ZNF462: variants seen among roughly 807,000 people sequenced by gnomAD.
ZNF462 encodes the protein zinc finger protein 462, also known as zinc finger PBX1-interacting protein.
A neutral mutation model predicts 201.9 loss-of-function variants in ZNF462; 10 were observed. The ratio of observed to expected loss-of-function variants is 0.05; its 90% CI spans 0.03 to 0.08. The LOEUF is 0.08. ZNF462 is among the 10% of genes least tolerant of loss of function. The pLI is 1.00. For synonymous variants in ZNF462, 1,227 were observed against 1,193.3 expected (o/e 1.03, Z -0.58); for missense variants, 2,523 against 3,168.3 (o/e 0.80, Z 4.89).
In ZNF462 at chr9:106,972,264, A is replaced by G; in HGVS notation, c.6687A>G (p.Thr2229=). The change falls in exon 8 of 13, where the codon ACA becomes ACG. Residue 2229 remains threonine (T), a synonymous_variant. Coordinates refer to ENST00000277225, the MANE Select transcript of ZNF462 (RefSeq NM_021224.6). The surrounding 1 kb of genome is among the most constrained non-coding windows in gnomAD (Gnocchi z 4.8). Reference sequence around the variant, plus strand: ...AGTGCAAAGACTGCTCCTTTTACACAGGCTTTAAGTAAGTGACGTAATGAA... The same window carrying G: ...AGTGCAAAGACTGCTCCTTTTACACGGGCTTTAAGTAAGTGACGTAATGAA... The part of the protein sequence containing the change: ...LFKCKDCSFY[T]GFKSAFTMHV... The G allele has an allele frequency of 1.2e-6, 2 of 1,613,792 alleles. No individual in the cohort carries two copies. The highest frequency in any genetic ancestry group is 1.7e-6 in the Non-Finnish European group (2 of 1,179,786).
At chr9:106,861,731 C>T (rs1482758744), upstream of ZNF462, among the ~76,000 whole-genome samples, 1 of 152,154 alleles carries the variant, frequency 6.6e-6, no homozygotes, top group African/African-American at 2.4e-5. Context: ...CCGTAGGAGA[C>T]TTTCGACCTG....
In ZNF462 at chr9:107,003,705, GTATCTAGGGAATCTT is replaced by G. The variant is rs1438654628; in HGVS notation, c.7189+280_7189+294del. Among the ~76,000 whole-genome samples, 2 of 152,116 alleles carry G rather than the reference GTATCTAGGGAATCTT, an allele frequency of 1.3e-5. No homozygotes were observed. The highest frequency in any genetic ancestry group is 2.9e-5 in the Non-Finnish European group (2 of 68,030). On this transcript the variant is annotated intron_variant, in intron 11 of 12. Coordinates refer to ENST00000277225, the MANE Select transcript of ZNF462 (RefSeq NM_021224.6). This position sits in a 1 kb window ranked among gnomAD's most constrained non-coding sequence, Gnocchi z 4.4. ...GATTTGTTTTTAATAAGGAAAACTG[GTATCTAGGGAATCTT>G]CAGAATAAGGACAAGCAGACAGCAA...
chr9:106,940,313 A>T (rs1363249271), intron 7 of ZNF462, among the ~76,000 whole-genome samples: 1 of 152,196 alleles, frequency 6.6e-6, no homozygotes, highest in Non-Finnish European at 1.5e-5. Flanking sequence ...TTTGGTTGCA[A>T]TTCTGGCCTT....
Position 106,878,858 on chromosome 9 carries a change from G to A in ZNF462, c.-31+15503G>A, listed in dbSNP as rs535044641. ...TTAAATATTTACTCCAAAATATCTT[G>A]TTCTCTGTTGGTGTGAAGTAGAGTT... On this transcript the variant is annotated intron_variant, in intron 1 of 12. Coordinates refer to ENST00000277225, the MANE Select transcript of ZNF462 (RefSeq NM_021224.6). Among the ~76,000 whole-genome samples the A allele has an allele frequency of 5.1e-4, 77 of 152,286 alleles. 1 individual carries two copies. In the South Asian group the frequency reaches 0.015, roughly 30 times the overall value.
At chr9:106,899,244 G>T (rs765088107) in intron 1 of ZNF462, among the ~76,000 whole-genome samples, 3,293 of 140,460 alleles carry the variant, frequency 0.023, 144 homozygotes, top group African/African-American at 0.048. Context: ...GTGTGTGGGG[G>T]GGGGGGGGTG....
At chr9:106,940,683 T>C (rs1453558765) in intron 7 of ZNF462, among the ~76,000 whole-genome samples, 1 of 152,166 alleles carries the variant, frequency 6.6e-6, no homozygotes, top group Admixed American at 6.5e-5. Context: ...CTACGACTTG[T>C]AATGAAGTGA....
Position 107,012,267 on chromosome 9 carries a change from C to A in ZNF462, c.*1237C>A, listed in dbSNP as rs1393831921. ...AATAATTTCTGTTAGGATTGGCTGG[C>A]TTTTGTGTGTGATTTTAAAATCTGT... On this transcript the variant is annotated 3_prime_UTR_variant, in exon 13 of 13. Transcript: ENST00000277225. The A allele has an allele frequency of 1.3e-5, 2 of 150,816 alleles. No homozygotes were observed. Among genetic ancestry groups the A allele is most frequent in the Non-Finnish European group, 3.0e-5 (2 of 67,774 alleles). 9.3% of individuals were successfully genotyped at this position (150,816 alleles called of 1,614,324 possible). A position where few individuals can be genotyped will look rare whatever the true frequency, so the allele number is the denominator to read the frequency against.
intron 1 of ZNF462, among the ~76,000 whole-genome samples, chr9:106,897,431 T>C (rs558766933): frequency 6.6e-6 from 1 of 152,306 alleles, no homozygotes; most frequent in East Asian, 1.9e-4. Flanking sequence ...TGTTGAACTT[T>C]TGCCATCAGT....
intron 7 of ZNF462, among the ~76,000 whole-genome samples, chr9:106,971,337 G>A (rs1402030968): frequency 1.3e-5 from 2 of 150,736 alleles, no homozygotes; most frequent in African/African-American, 4.9e-5. Context: ...GTATTCTGTG[G>A]CAACCTGTTG....
rs1169877761 is a variant in ZNF462 at position 106,933,132 on chromosome 9, G to A, written c.6116+583G>A. On this transcript the variant is annotated intron_variant, in intron 5 of 12. Coordinates refer to ENST00000277225, the MANE Select transcript of ZNF462 (RefSeq NM_021224.6). The surrounding 1 kb of genome is among the most constrained non-coding windows in gnomAD (Gnocchi z 4.3). The stretch of plus-strand genomic sequence containing the variant: ...AAGGCTTTTTGGGGCCATGGAAAGA[G>A]GGGTGGTTTTAAGAACAACTTTTTG... 1 of 156,452 alleles carries A rather than the reference G, an allele frequency of 6.4e-6. No homozygotes were observed. The highest frequency in any genetic ancestry group is 6.1e-5 in the Admixed American group (1 of 16,438). 9.7% of individuals were successfully genotyped at this position (156,452 alleles called of 1,614,324 possible). A position where few individuals can be genotyped will look rare whatever the true frequency, so the allele number is the denominator to read the frequency against.
intron 10 of ZNF462, among the ~76,000 whole-genome samples, chr9:107,001,776 G>T (rs1829202886): frequency 6.6e-6 from 1 of 152,052 alleles, no homozygotes; most frequent in Non-Finnish European, 1.5e-5. Context: ...ACAAGAAGTT[G>T]CCTTCCCTGC....
rs913092535 is a variant in ZNF462 at position 106,993,144 on chromosome 9, A to G, written c.7056+8735A>G. ...AGACACGTAGAATGTATTTTCAGTT[A>G]AAGGATTTCATTAAAAAGAACTGAA... On this transcript the variant is annotated intron_variant, in intron 10 of 12. Coordinates refer to ENST00000277225, the MANE Select transcript of ZNF462 (RefSeq NM_021224.6). The surrounding 1 kb of genome is among the most constrained non-coding windows in gnomAD (Gnocchi z 4.0). Among the ~76,000 whole-genome samples, 1 of 152,162 alleles carries G rather than the reference A, an allele frequency of 6.6e-6. No homozygotes were observed. The highest frequency in any genetic ancestry group is 2.4e-5 in the African/African-American group (1 of 41,466).
chr9:106,985,933 A>G (rs1827800303), intron 10 of ZNF462, among the ~76,000 whole-genome samples: 1 of 152,164 alleles, frequency 6.6e-6, no homozygotes, highest in African/African-American at 2.4e-5. Context: ...CTCACTTAAA[A>G]TTTTTCATAT....
chr9:107,008,761 T>C lies in ZNF462; in HGVS notation c.7190-784T>C, dbSNP rs923467339. 1.3e-5 allele frequency among the ~76,000 whole-genome samples: 2 copies of C among 152,182 alleles called. No homozygotes were observed. Among genetic ancestry groups the C allele is most frequent in the Admixed American group, 1.3e-4 (2 of 15,278 alleles). On this transcript the variant is annotated intron_variant, in intron 11 of 12. Coordinates refer to ENST00000277225, the MANE Select transcript of ZNF462 (RefSeq NM_021224.6). The surrounding 1 kb of genome is among the most constrained non-coding windows in gnomAD (Gnocchi z 4.8). ...GACTTCTACCATGTGCCTAGTACCATGGAGGAAACAAAACAACTAAGTCAA... is the reference window on the plus strand; with the variant it reads ...GACTTCTACCATGTGCCTAGTACCACGGAGGAAACAAAACAACTAAGTCAA...
At chr9:106,874,017 A>G (rs1390113321) in intron 1 of ZNF462, among the ~76,000 whole-genome samples, 1 of 152,232 alleles carries the variant, frequency 6.6e-6, no homozygotes, top group African/African-American at 2.4e-5. Flanking sequence ...TGTACTAGAG[A>G]AGGCCACAGA....
Position 106,925,621 on chromosome 9 carries a change from C to A in ZNF462, c.1709C>A (p.Pro570Gln). The A allele has an allele frequency of 6.2e-7, 1 of 1,613,646 alleles. No individual in the cohort carries two copies. The change falls in exon 3 of 13, where the codon CCA becomes CAA. Residue 570 changes from proline to glutamine, a missense_variant. Pro to Gln is a moderately conservative substitution (Grantham distance 76). This residue lies in a region of ZNF462 where 383 missense variants were observed against 453.4 expected (regional missense o/e 0.84). Transcript: ENST00000277225. This position sits in a 1 kb window ranked among gnomAD's most constrained non-coding sequence, Gnocchi z 7.9. ...LQQPQPPQLQ[P>Q]PHQVPPQPQT... is the part of the protein sequence containing the mutation. ...CAGCCACAGCCACCACAGCTGCAGC[C>A]ACCACATCAGGTGCCACCCCAGCCA...
At chr9:106,903,850 G>C (rs1829159617) in intron 1 of ZNF462, among the ~76,000 whole-genome samples, 1 of 152,114 alleles carries the variant, frequency 6.6e-6, no homozygotes, top group African/African-American at 2.4e-5. Context: ...GCAGATAGTT[G>C]GTTGGTGACT....
intron 1 of ZNF462, among the ~76,000 whole-genome samples, chr9:106,889,072 C>G (rs1385060785): frequency 6.6e-6 from 1 of 152,210 alleles, no homozygotes; most frequent in Non-Finnish European, 1.5e-5. Context: ...GCCTTGGGGT[C>G]ATAGCACACA....
chr9:106,910,375 T>C (rs867024072), intron 1 of ZNF462, among the ~76,000 whole-genome samples: 1 of 132,576 alleles, frequency 7.5e-6, no homozygotes, highest in African/African-American at 3.5e-5. Context: ...TTTTTTTTTT[T>C]TTTTTTTTTT....
Sources: gnomAD v4.1 joint callset for allele counts (sites outside exome capture counted in the v4.1 genomes callset) on GRCh38, gnomAD v4.1.1 for gene constraint, gnomAD v4.1.1 regional missense constraint, Gnocchi (gnomAD v3.1) non-coding constraint, MANE v1.5 for transcripts, NCBI Gene and HGNC (gene_info 2026-07-23, HGNC 2026-07-21) for gene names.